The following CPSF6 variants were observed in gnomAD, a reference collection of about 807,000 sequenced individuals.
The protein encoded by CPSF6 is cleavage and polyadenylation specificity factor subunit 6.
A neutral mutation model predicts 56.7 loss-of-function variants in CPSF6; 10 were observed. The ratio of observed to expected loss-of-function variants is 0.18; its 90% CI spans 0.11 to 0.30. CPSF6 has a LOEUF of 0.30. Among genes scored for constraint, CPSF6 ranks in the 10% least tolerant of loss-of-function variants. The pLI, the probability that CPSF6 is intolerant of heterozygous loss-of-function variation, is 1.00. For synonymous variants in CPSF6, 248 were observed against 244.8 expected, an observed-to-expected ratio of 1.01 and a Z score of -0.12; for missense variants, 419 against 722.9, an observed-to-expected ratio of 0.58 and a Z score of 4.82.
rs1873222477 is a variant in CPSF6, at chr12:69,271,175, GATGTTT to G, written c.*1670_*1675del. On this transcript the variant is annotated 3_prime_UTR_variant, in exon 10 of 10. Coordinates refer to ENST00000435070, the MANE Select transcript of CPSF6 (RefSeq NM_007007.3). ...TGAAGTATCTGTGCATGGGATCGTT[GATGTTT>G]ATCAGAACTGTTCACTTTCAGAAAT... 6.6e-6 allele frequency: 1 copy of G among 152,060 alleles called. No homozygotes were observed. The highest frequency in any genetic ancestry group is 6.6e-5 in the Admixed American group (1 of 15,218). The allele number at this position is 152,060 out of a possible 1,614,324, so 9.4% of individuals were successfully genotyped here.
chr12:69,268,002 T>A (rs1434191338), intron 9 of CPSF6, among the ~76,000 whole-genome samples: 2 of 151,798 alleles, frequency 1.3e-5, no homozygotes, highest in African/African-American at 4.8e-5. Flanking sequence ...TCCCTCTTAA[T>A]GACTTTTTAT....
In CPSF6 at chr12:69,249,168, G is replaced by T. The variant is rs192097716; in HGVS notation, c.61-1961G>T. ...CCAGCTACTCGGGGGGGGGGGGGGGGGCTGAGGCAGGAGAATGGCGTGAAC... is the reference window on the plus strand; with the variant it reads ...CCAGCTACTCGGGGGGGGGGGGGGGTGCTGAGGCAGGAGAATGGCGTGAAC... On this transcript the variant is annotated intron_variant, in intron 1 of 9. Coordinates refer to ENST00000435070, the MANE Select transcript of CPSF6 (RefSeq NM_007007.3). Among the ~76,000 whole-genome samples the T allele has an allele frequency of 5.9e-5, 2 of 33,910 alleles. 1 individual carries two copies. The highest frequency in any genetic ancestry group is 1.3e-4 in the Non-Finnish European group (2 of 15,160). 22.2% of individuals were successfully genotyped at this position (33,910 alleles called of 152,430 possible). A position where few individuals can be genotyped will look rare whatever the true frequency, so the allele number is the denominator to read the frequency against.
intron 3 of CPSF6, 87 bp downstream of exon 3, chr12:69,253,241 C>A: frequency 3.4e-6 from 2 of 592,244 alleles, no homozygotes; most frequent in South Asian, 2.4e-5. Flanking sequence ...ATGTTAATTA[C>A]ACATGTATAC....
chr12:69,251,617 A>T (rs894959917), intron 2 of CPSF6, among the ~76,000 whole-genome samples: 2 of 152,036 alleles, frequency 1.3e-5, no homozygotes, highest in African/African-American at 2.4e-5. Flanking sequence ...TTATGCTACC[A>T]CTTTACCTTG....
intron 3 of CPSF6, chr12:69,255,261 A>G (rs977513367): frequency 6.6e-5 from 10 of 152,318 alleles, no homozygotes; most frequent in African/African-American, 2.4e-4. Flanking sequence ...TGGATATAGC[A>G]CTTTTTTCTT....
intron 4 of CPSF6, 71 bp from the exon 5 acceptor site, chr12:69,257,661 T>G: frequency 7.0e-7 from 1 of 1,421,246 alleles, no homozygotes. Flanking sequence ...GAGTTGTTTT[T>G]AATAATAGTG....
intron 1 of CPSF6, among the ~76,000 whole-genome samples, chr12:69,242,886 A>G (rs889442252): frequency 2.0e-5 from 3 of 152,272 alleles, no homozygotes; most frequent in South Asian, 4.1e-4. Flanking sequence ...AGGTGGGCAG[A>G]TCGCTTGAGG....
intron 5 of CPSF6, 23 bp downstream of exon 5, chr12:69,257,928 A>G (rs775630176): frequency 5.7e-6 from 9 of 1,591,094 alleles, no homozygotes; most frequent in Admixed American, 5.6e-5. Flanking sequence ...TTAAATTACC[A>G]TGGATAAAAC....
At chr12:69,266,111 C>T (rs942096707) in intron 9 of CPSF6, among the ~76,000 whole-genome samples, 1 of 151,158 alleles carries the variant, frequency 6.6e-6, no homozygotes, top group African/African-American at 2.4e-5. Flanking sequence ...TGCTTTGAGG[C>T]TTATGTGAAA....
intron 3 of CPSF6, among the ~76,000 whole-genome samples, chr12:69,255,427 ACT>A (rs1389585160): frequency 1.3e-5 from 2 of 152,068 alleles, no homozygotes; most frequent in Admixed American, 6.6e-5. Context: ...TAATATAGTA[ACT>A]CTATGTTTAA....
chr12:69,246,211 AT>A (rs1871896785), intron 1 of CPSF6, among the ~76,000 whole-genome samples: 1 of 152,226 alleles, frequency 6.6e-6, no homozygotes, highest in African/African-American at 2.4e-5. Context: ...GTCATGAATC[AT>A]TTTGCTTTAC....
intron 1 of CPSF6, among the ~76,000 whole-genome samples, chr12:69,243,273 C>T (rs1055558554): frequency 1.3e-5 from 2 of 152,042 alleles, no homozygotes; most frequent in Non-Finnish European, 2.9e-5. Flanking sequence ...TTCAGTTACC[C>T]GTGGTTCTGA....
At position 69,258,264 on chromosome 12, in the gene CPSF6, T is replaced by C; in HGVS notation, c.695-326T>C. On this transcript the variant is annotated intron_variant, in intron 5 of 9. Coordinates refer to ENST00000435070, the MANE Select transcript of CPSF6 (RefSeq NM_007007.3). The surrounding 1 kb of genome is among the most constrained non-coding windows in gnomAD (Gnocchi z 4.2). ...TTTTTCCTTGTTTCACTTTCTAGCT[T>C]GGCATCAGAGTAGAATATAAGGTGG... 1.4e-6 allele frequency: 1 copy of C among 692,302 alleles called. No individual in the cohort carries two copies. Among genetic ancestry groups the C allele is most frequent in the Middle Eastern group, 3.6e-4 (1 of 2,742 alleles). The allele number at this position is 692,302 out of a possible 1,614,324, so 42.9% of individuals were successfully genotyped here. A position where few individuals can be genotyped will look rare whatever the true frequency, so the allele number is the denominator to read the frequency against.
In CPSF6 at chr12:69,239,597, G is replaced by A. The variant is rs778382834; in HGVS notation, c.-50G>A. ...AGATCCGCTGCTGCTGCCGCGGCGG[G>A]CAGACCTGCAGGAGGCGGCGGCGGC... On this transcript the variant is annotated 5_prime_UTR_variant, in exon 1 of 10. Coordinates refer to ENST00000435070, the MANE Select transcript of CPSF6 (RefSeq NM_007007.3). 5.9e-6 allele frequency: 9 copies of A among 1,524,974 alleles called. No homozygotes were observed. The highest frequency in any genetic ancestry group is 2.1e-5 in the Admixed American group (1 of 48,294). 94.5% of individuals were successfully genotyped at this position (1,524,974 alleles called of 1,614,324 possible). A position where few individuals can be genotyped will look rare whatever the true frequency, so the allele number is the denominator to read the frequency against.
At chr12:69,250,271 G>A (rs1045104) in intron 1 of CPSF6, among the ~76,000 whole-genome samples, 21,363 of 151,468 alleles carry the variant, frequency 0.14, 1,592 homozygotes, top group Non-Finnish European at 0.16. Context: ...AGATATAATG[G>A]CTTTGGATTT....
intron 3 of CPSF6, among the ~76,000 whole-genome samples, chr12:69,254,553 C>T (rs1319382797): frequency 2.6e-5 from 4 of 152,206 alleles, no homozygotes; most frequent in African/African-American, 9.7e-5. Context: ...GTCTCCTCTT[C>T]CAAGCCTTTA....
chr12:69,263,637 C>CA (rs1399212838), intron 9 of CPSF6, among the ~76,000 whole-genome samples: 1 of 151,906 alleles, frequency 6.6e-6, no homozygotes, highest in Non-Finnish European at 1.5e-5. Context: ...AAAATTCAGT[C>CA]ATGGTAATTG....
At chr12:69,241,172 A>G (rs974557232) in intron 1 of CPSF6, among the ~76,000 whole-genome samples, 4 of 152,246 alleles carry the variant, frequency 2.6e-5, no homozygotes, top group Non-Finnish European at 4.4e-5. Flanking sequence ...TTTGCTATTC[A>G]GTTAAAGACT....
rs756536003 is a variant in CPSF6, at chr12:69,272,934, G to T, written c.*3426G>T. The stretch of plus-strand genomic sequence containing the variant: ...TAACCTTAACTTCAGTTTAAACACT[G>T]GTGTATTTATTTTTTTAAGCAACTT... On this transcript the variant is annotated 3_prime_UTR_variant, in exon 10 of 10. Transcript: ENST00000435070. 2 of 217,780 alleles carry T rather than the reference G, an allele frequency of 9.2e-6. No homozygotes were observed. The highest frequency in any genetic ancestry group is 2.4e-5 in the African/African-American group (1 of 42,510). 13.5% of individuals were successfully genotyped at this position (217,780 alleles called of 1,614,324 possible).
Sources: allele counts gnomAD v4.1 joint callset (sites outside exome capture counted in the v4.1 genomes callset), GRCh38; gene constraint gnomAD v4.1.1; non-coding constraint Gnocchi (gnomAD v3.1); transcripts MANE v1.5; gene names NCBI Gene and HGNC (gene_info 2026-07-23, HGNC 2026-07-21).